Variants in ADGRF3 observed in about 807,000 individuals in gnomAD.
ADGRF3 encodes the protein G protein-coupled receptor 113.
ADGRF3 carries 85 observed loss-of-function variants against 93.2 expected under a neutral mutation model. That is an observed-to-expected ratio of 0.91 (90% CI 0.77 to 1.09). The LOEUF (loss-of-function observed/expected upper bound fraction) is 1.09, where lower values mean the gene tolerates loss of function less well. Ranked by LOEUF, ADGRF3 falls within the 50% of genes least tolerant of loss-of-function variation. The probability of loss-of-function intolerance (pLI) is 0.00; values close to 1 mark genes in which losing one functional copy is unlikely to be tolerated. For missense variants in ADGRF3, 1,125 were observed against 1,246.2 expected, an observed-to-expected ratio of 0.90 and a Z score of 1.46; for synonymous variants, 534 against 532.5, an observed-to-expected ratio of 1.00 and a Z score of -0.04.
chr2:26,316,930 C>T lies in ADGRF3; in HGVS notation c.307G>A (p.Gly103Ser). 1 of 1,610,500 alleles carries T rather than the reference C, an allele frequency of 6.2e-7. No individual in the cohort carries two copies. The highest frequency in any genetic ancestry group is 8.5e-7 in the Non-Finnish European group (1 of 1,178,926). ...ASSSPRPLLT[G>S]LRLTTECNVN... ...GTGGTACCTGTTGTGAGTCTGAGGC[C>T]AGTGAGAAGAGGCCTTGGGGAAGAG... Residue 103 changes from glycine (G) to serine (S), a missense_variant, in exon 3 of 14, where the codon GGC becomes AGC. Physicochemically the swap from Gly to Ser is moderately conservative, Grantham distance 56. Transcript: ENST00000651242.
chr2:26,343,878 T>C (rs564837145), intron 1 of ADGRF3, among the ~76,000 whole-genome samples: 1 of 152,386 alleles, frequency 6.6e-6, no homozygotes, highest in African/African-American at 2.4e-5. Context: ...GATGAATTTA[T>C]AATTGATTCA....
At chr2:26,329,946 T>A (rs1299647202) in intron 1 of ADGRF3, among the ~76,000 whole-genome samples, 1 of 152,218 alleles carries the variant, frequency 6.6e-6, no homozygotes, top group Non-Finnish European at 1.5e-5. Flanking sequence ...CCCATGTGAG[T>A]TGAGATTTCC....
In ADGRF3 at chr2:26,313,503, T is replaced by C. The variant is rs200527412; in HGVS notation, c.1143A>G (p.Ala381=). 6.2e-7 allele frequency: 1 copy of C among 1,612,008 alleles called. No homozygotes were observed. The highest frequency in any genetic ancestry group is 1.7e-4 in the Middle Eastern group (1 of 6,060). ...TWNVTKAGHV[A]QAPCPESKRG... Reference sequence around the variant, plus strand: ...TCTTGCTCTCAGGACATGGGGCCTGTGCCACGTGGCCAGCCTTGGTGACAT... The same window carrying C: ...TCTTGCTCTCAGGACATGGGGCCTGCGCCACGTGGCCAGCCTTGGTGACAT... Residue 381 remains alanine, a synonymous_variant, in exon 8 of 14, where the codon GCA becomes GCG. Transcript: ENST00000651242.
chr2:26,310,412 A>T (rs1395251348), intron 10 of ADGRF3, among the ~76,000 whole-genome samples, 175 bp from the exon 11 acceptor site: 1 of 152,206 alleles, frequency 6.6e-6, no homozygotes, highest in Non-Finnish European at 1.5e-5. Context: ...TTATGGTTAT[A>T]AAAGGGATAG....
In ADGRF3 at chr2:26,313,259, C is replaced by G. The variant is rs78625555; in HGVS notation, c.1269+118G>C. 2.7e-3 allele frequency: 3,878 copies of G among 1,434,118 alleles called. 111 individuals carry two copies. In the African/African-American group the frequency reaches 0.049, roughly 18 times the overall value. The allele number at this position is 1,434,118 out of a possible 1,614,324, so 88.8% of individuals were successfully genotyped here. A position where few individuals can be genotyped will look rare whatever the true frequency, so the allele number is the denominator to read the frequency against. On this transcript the variant is annotated intron_variant, in intron 8 of 13. Transcript: ENST00000651242. Reference sequence around the variant, plus strand: ...TCCTGGCTCTGCTAGGGCTCCACTTCAGAGAAGCTGAACAGCCTGTGGGCT... The same window carrying G: ...TCCTGGCTCTGCTAGGGCTCCACTTGAGAGAAGCTGAACAGCCTGTGGGCT...
At chr2:26,314,721 C>T (rs1674505155) in intron 5 of ADGRF3, 98 bp from the exon 6 acceptor site, 1 of 1,128,486 alleles carries the variant, frequency 8.9e-7, no homozygotes. Flanking sequence ...CTCCTGTCCT[C>T]TGCCTGCCAC....
rs1269701358 is a variant in ADGRF3 at position 26,346,159 on chromosome 2, C to A, written c.76G>T (p.Gly26Cys). The A allele has an allele frequency of 1.2e-5, 19 of 1,609,768 alleles. No individual in the cohort carries two copies. In the East Asian group the frequency reaches 1.6e-4, roughly 13 times the overall value. ...CCAGTCTTTGCCATCCTTGCCCAGC[C>A]GGTGTGGTGCTTGTGTGTCACAGCC... ...YKAVTHKHHT[G>C]WARMAKTGLP... Residue 26 changes from glycine (G) to cysteine (C), a missense_variant, in exon 1 of 14, where the codon GGC becomes TGC. Coordinates refer to ENST00000651242, the MANE Select transcript of ADGRF3 (RefSeq NM_001321971.2).
intron 9 of ADGRF3, 27 bp downstream of exon 9, chr2:26,312,916 G>C: frequency 6.3e-7 from 1 of 1,580,402 alleles, no homozygotes; most frequent in East Asian, 2.3e-5. Flanking sequence ...TGCCCAGCTG[G>C]CCCCCACTGT....
intron 13 of ADGRF3, 157 bp from the exon 14 acceptor site, chr2:26,309,264 A>G (rs1673819440): frequency 9.5e-6 from 15 of 1,580,026 alleles, no homozygotes; most frequent in Non-Finnish European, 1.3e-5. Context: ...TTTCAGAGAA[A>G]CCAAGTCAAG....
chr2:26,342,999 CAGTT>C (rs1676474928), intron 1 of ADGRF3, among the ~76,000 whole-genome samples: 1 of 152,118 alleles, frequency 6.6e-6, no homozygotes, highest in South Asian at 2.1e-4. Context: ...GCCAGTAAGA[CAGTT>C]AGTTATTATC....
intron 1 of ADGRF3, chr2:26,318,850 C>T (rs1438162945): frequency 6.7e-7 from 1 of 1,499,048 alleles, no homozygotes; most frequent in East Asian, 2.5e-5. Flanking sequence ...ACTTCCTCTC[C>T]CCTCAGCCCT....
At position 26,311,918 on chromosome 2, in the gene ADGRF3, T is replaced by C. The variant is rs1372229104; in HGVS notation, c.1606A>G (p.Ser536Gly). ...CTCTGCAGCAGCACATTGGGTAAGC[T>C]GAAGGCGAAGGGGTGGTCCTGTGGG... ...LCPQDHPFAF[S>G]LPNVLLQSQL... The change falls in exon 10 of 14, where the codon AGC (serine) becomes GGC (glycine). Residue 536 changes from serine to glycine, a missense_variant. By Grantham distance (56) the Ser-to-Gly change is moderately conservative. Transcript: ENST00000651242. 1 of 1,613,712 alleles carries C rather than the reference T, an allele frequency of 6.2e-7. No individual in the cohort carries two copies. The highest frequency in any genetic ancestry group is 8.5e-7 in the Non-Finnish European group (1 of 1,179,848).
In ADGRF3 at chr2:26,323,296, C is replaced by T. The variant is rs1675259376; in HGVS notation, c.115-5734G>A. Reference sequence around the variant, plus strand: ...GACTTATTGCTGCCACCTACCTACTCCCAAGTCCAAAGTGAACCACAAGGT... The same window carrying T: ...GACTTATTGCTGCCACCTACCTACTTCCAAGTCCAAAGTGAACCACAAGGT... On this transcript the variant is annotated intron_variant, in intron 1 of 13. Transcript: ENST00000651242. 2.0e-5 allele frequency among the ~76,000 whole-genome samples: 3 copies of T among 152,226 alleles called. 1 individual carries two copies. In the South Asian group the frequency reaches 6.2e-4, roughly 32 times the overall value.
intron 1 of ADGRF3, among the ~76,000 whole-genome samples, chr2:26,325,529 TA>T (rs1196768416): frequency 6.6e-6 from 1 of 152,108 alleles, no homozygotes; most frequent in Non-Finnish European, 1.5e-5. Context: ...TCAGCGTTTA[TA>T]TTAAAGCTAT....
intron 1 of ADGRF3, among the ~76,000 whole-genome samples, chr2:26,322,768 T>C (rs931073700): frequency 2.0e-5 from 3 of 152,156 alleles, no homozygotes; most frequent in African/African-American, 7.2e-5. Context: ...AAATGGTAGA[T>C]TTGGTATATT....
rs771656087 is a variant in ADGRF3, at chr2:26,311,335, A to T, written c.2189T>A (p.Val730Asp). The T allele has an allele frequency of 6.2e-7, 1 of 1,613,668 alleles. No individual in the cohort carries two copies. Among genetic ancestry groups the T allele is most frequent in the Non-Finnish European group, 8.5e-7 (1 of 1,179,824 alleles). Residue 730 changes from valine to aspartate, a missense_variant, in exon 10 of 14, where the codon GTC becomes GAC. Val to Asp is a radical substitution (Grantham distance 152). Coordinates refer to ENST00000651242, the MANE Select transcript of ADGRF3 (RefSeq NM_001321971.2). ...ATAGGAGATCTTGTTCCGCACCACGACTCTCCACACCAGCCAGTACACACC... is the reference window on the plus strand; with the variant it reads ...ATAGGAGATCTTGTTCCGCACCACGTCTCTCCACACCAGCCAGTACACACC... The part of the protein sequence containing the change: ...CLGVYWLVWR[V>D]VVRNKISYFR...
At chr2:26,319,215 C>A (rs1574713061) in intron 1 of ADGRF3, 1 of 684,088 alleles carries the variant, frequency 1.5e-6, no homozygotes, top group Non-Finnish European at 2.3e-6. Context: ...GAATCCAGGT[C>A]ACTGTGGGGG....
In ADGRF3 at chr2:26,319,565, CCCTT is replaced by C. The variant is rs1221160490; in HGVS notation, c.115-2007_115-2004del. On this transcript the variant is annotated intron_variant, in intron 1 of 13. Coordinates refer to ENST00000651242, the MANE Select transcript of ADGRF3 (RefSeq NM_001321971.2). ...TCTTTCTCTCCCTCCCTCCCTCCCT[CCCTT>C]CCTTCCTTCCTTCCTTCCTTCCTTC... Among the ~76,000 whole-genome samples, 222 of 48,148 alleles carry C rather than the reference CCCTT, an allele frequency of 4.6e-3. 4 individuals are homozygous for C. The highest frequency in any genetic ancestry group is 0.013 in the African/African-American group (172 of 12,810). 31.6% of individuals were successfully genotyped at this position (48,148 alleles called of 152,430 possible).
rs781185576 is a variant in ADGRF3 at position 26,310,718 on chromosome 2, T to G, written c.2806A>C (p.Ile936Leu). The change falls in exon 10 of 14, where the codon ATC becomes CTC. Residue 936 changes from isoleucine (I) to leucine (L), a missense_variant. Physicochemically the swap from Ile to Leu is conservative, Grantham distance 5. Coordinates refer to ENST00000651242, the MANE Select transcript of ADGRF3 (RefSeq NM_001321971.2). ...TGGAGGGTGTTGAGAATGGTGAAGA[T>G]GTAATGAGGGACCGTGGAGACTTCC... ...LEEVSTVPHY[I>L]FTILNTLQGV... 14 of 1,612,542 alleles carry G rather than the reference T, an allele frequency of 8.7e-6. No homozygotes were observed. Among genetic ancestry groups the G allele is most frequent in the Non-Finnish European group, 1.2e-5 (14 of 1,179,310 alleles).
Sources: gnomAD v4.1 joint callset for allele counts (sites outside exome capture counted in the v4.1 genomes callset) on GRCh38, gnomAD v4.1.1 for gene constraint, MANE v1.5 for transcripts, NCBI Gene and HGNC (gene_info 2026-07-23, HGNC 2026-07-21) for gene names.